The following DNAJC15 variants were observed in gnomAD, a reference collection of about 807,000 sequenced individuals.
DNAJC15 encodes DnaJ heat shock protein family (Hsp40) member C15.
Under a neutral mutation model 22.4 loss-of-function variants are expected in DNAJC15, and 27 were observed. That is an observed-to-expected ratio of 1.20 (90% CI 0.89 to 1.66). The LOEUF (loss-of-function observed/expected upper bound fraction) is 1.66, where lower values mean the gene tolerates loss of function less well. Ranked by LOEUF, DNAJC15 falls within the 40% of genes most tolerant of loss-of-function variation. The probability of loss-of-function intolerance (pLI) is 0.00; values close to 1 mark genes in which losing one functional copy is unlikely to be tolerated. For missense variants in DNAJC15, 208 were observed against 187.1 expected (o/e 1.11, Z -0.65); for synonymous variants, 79 against 63.2 (o/e 1.25, Z -1.19).
intron 3 of DNAJC15, among the ~76,000 whole-genome samples, chr13:43,075,325 A>G (rs1351611692): frequency 1.3e-5 from 2 of 152,242 alleles, no homozygotes; most frequent in African/African-American, 4.8e-5. Context: ...AATTGCTCAG[A>G]TACCAATACC....
chr13:43,046,741 C>A (rs1408461685), intron 1 of DNAJC15, among the ~76,000 whole-genome samples: 1 of 152,100 alleles, frequency 6.6e-6, no homozygotes, highest in Non-Finnish European at 1.5e-5. Flanking sequence ...CTCTTCTGGT[C>A]CGTGTTTGTT....
intron 1 of DNAJC15, among the ~76,000 whole-genome samples, chr13:43,034,522 A>G (rs1019865027): frequency 4.0e-5 from 6 of 151,660 alleles, no homozygotes; most frequent in Admixed American, 6.6e-5. Context: ...TCCCCGTGTT[A>G]GCCAGGATGG....
chr13:43,091,682 TA>T (rs1324579368), intron 5 of DNAJC15, among the ~76,000 whole-genome samples: 1 of 142,846 alleles, frequency 7.0e-6, no homozygotes, highest in Non-Finnish European at 1.6e-5. Context: ...TCTTTGAGTT[TA>T]TTTGCTGTTC....
intron 1 of DNAJC15, among the ~76,000 whole-genome samples, chr13:43,065,049 A>G (rs1237910114): frequency 6.6e-6 from 1 of 152,118 alleles, no homozygotes; most frequent in Non-Finnish European, 1.5e-5. Flanking sequence ...TTGTGACACT[A>G]ATAGTTTCCT....
Position 43,111,795 on chromosome 13 carries a change from T to G in DNAJC15, c.*4547T>G, listed in dbSNP as rs2040825950. On this transcript the variant is annotated 3_prime_UTR_variant, in exon 6 of 6. Coordinates refer to ENST00000379221, the MANE Select transcript of DNAJC15 (RefSeq NM_013238.3). ...AGGATTTGATGGGAATGAGTAAATG[T>G]GTCAGCATAGTCCGTCCCTTCTAAT... 4 of 152,232 alleles carry G rather than the reference T, an allele frequency of 2.6e-5. No individual in the cohort carries two copies. In the South Asian group the frequency reaches 8.3e-4, roughly 32 times the overall value. 9.4% of individuals were successfully genotyped at this position (152,232 alleles called of 1,614,324 possible).
rs976653302 is a variant in DNAJC15 at position 43,109,819 on chromosome 13, C to G, written c.*2571C>G. 2.0e-5 allele frequency: 3 copies of G among 152,008 alleles called. No individual in the cohort carries two copies. Among genetic ancestry groups the G allele is most frequent in the Non-Finnish European group, 4.4e-5 (3 of 68,022 alleles). The allele number at this position is 152,008 out of a possible 1,614,324, so 9.4% of individuals were successfully genotyped here. A position where few individuals can be genotyped will look rare whatever the true frequency, so the allele number is the denominator to read the frequency against. On this transcript the variant is annotated 3_prime_UTR_variant, in exon 6 of 6. Transcript: ENST00000379221. ...GCTCATGTCTACATATGTAACAAAC[C>G]TGCACGTTGTGCACATGTGCCCTAG...
At chr13:43,074,448 C>A (rs1398435391) in intron 3 of DNAJC15, among the ~76,000 whole-genome samples, 4 of 152,074 alleles carry the variant, frequency 2.6e-5, no homozygotes, top group African/African-American at 9.7e-5. Flanking sequence ...CCATTTACTC[C>A]ATCTATTTGA....
intron 5 of DNAJC15, among the ~76,000 whole-genome samples, chr13:43,099,249 C>T (rs1411701904): frequency 6.6e-6 from 1 of 152,048 alleles, no homozygotes; most frequent in Non-Finnish European, 1.5e-5. Flanking sequence ...ATCCCACAAC[C>T]TTGCTGAACT....
At chr13:43,096,890 TCTC>T (rs1410476544) in intron 5 of DNAJC15, among the ~76,000 whole-genome samples, 3 of 152,102 alleles carry the variant, frequency 2.0e-5, no homozygotes, top group African/African-American at 7.2e-5. Context: ...AAGACTAAGC[TCTC>T]CTCCTGACGG....
chr13:43,082,857 T>TATATATATATATATAC (rs144193543), intron 4 of DNAJC15, among the ~76,000 whole-genome samples: 67 of 149,568 alleles, frequency 4.5e-4, no homozygotes, highest in East Asian at 1.0e-3. Flanking sequence ...TATATATATA[T>TATATATATATATATAC]ATACACACAT....
intron 3 of DNAJC15, among the ~76,000 whole-genome samples, chr13:43,071,992 T>G (rs2153441100): frequency 6.6e-6 from 1 of 152,346 alleles, no homozygotes; most frequent in South Asian, 2.1e-4. Flanking sequence ...CCTTGAAATC[T>G]GGTGAAGCCA....
chr13:43,046,776 G>T (rs1028900620), intron 1 of DNAJC15, among the ~76,000 whole-genome samples: 8 of 152,074 alleles, frequency 5.3e-5, no homozygotes, highest in Admixed American at 4.6e-4. Flanking sequence ...GCTTTTGCTC[G>T]CTGTCCACCG....
intron 5 of DNAJC15, among the ~76,000 whole-genome samples, chr13:43,092,813 C>T (rs895407652): frequency 2.0e-5 from 3 of 152,132 alleles, no homozygotes; most frequent in Admixed American, 2.0e-4. Flanking sequence ...ACTTGTGAAG[C>T]TGAGGTGGGA....
intron 1 of DNAJC15, among the ~76,000 whole-genome samples, chr13:43,064,693 C>T (rs1185141784): frequency 6.6e-6 from 1 of 152,176 alleles, no homozygotes; most frequent in Non-Finnish European, 1.5e-5. Context: ...GATGGGAAGG[C>T]AGCTCTGTGA....
In DNAJC15 at chr13:43,023,615, G is replaced by C. The variant is rs370074543; in HGVS notation, c.-12G>C. The stretch of plus-strand genomic sequence containing the variant: ...ACTGCCGCGGCGCCTTGAGTCTCCG[G>C]GCCGCCTTGCCATGGCTGCCCGTGG... On this transcript the variant is annotated 5_prime_UTR_variant, in exon 1 of 6. Coordinates refer to ENST00000379221, the MANE Select transcript of DNAJC15 (RefSeq NM_013238.3). 1.2e-6 allele frequency: 2 copies of C among 1,605,182 alleles called. No individual in the cohort carries two copies. The highest frequency in any genetic ancestry group is 1.7e-6 in the Non-Finnish European group (2 of 1,176,010).
intron 1 of DNAJC15, among the ~76,000 whole-genome samples, chr13:43,024,648 TTTAAG>T (rs1289769127): frequency 5.3e-5 from 8 of 151,940 alleles, no homozygotes. Flanking sequence ...CCGGCATATT[TTTAAG>T]TTTTTTGTAG....
At chr13:43,034,561 C>T (rs1416626066) in intron 1 of DNAJC15, among the ~76,000 whole-genome samples, 11 of 151,986 alleles carry the variant, frequency 7.2e-5, no homozygotes, top group East Asian at 5.8e-4. Flanking sequence ...GTGATCCGCC[C>T]GCCTCGGCCT....
At chr13:43,041,931 A>C (rs1441170291) in intron 1 of DNAJC15, among the ~76,000 whole-genome samples, 1 of 152,264 alleles carries the variant, frequency 6.6e-6, no homozygotes, top group Non-Finnish European at 1.5e-5. Flanking sequence ...GCCTGGGATC[A>C]CAATGGAGGA....
At chr13:43,029,777 G>T (rs1412803271) in intron 1 of DNAJC15, among the ~76,000 whole-genome samples, 1 of 152,010 alleles carries the variant, frequency 6.6e-6, no homozygotes, top group Non-Finnish European at 1.5e-5. Flanking sequence ...TTTGAAATAT[G>T]CCTTTTTAAC....
Sources: allele counts gnomAD v4.1 joint callset (sites outside exome capture counted in the v4.1 genomes callset), GRCh38; gene constraint gnomAD v4.1.1; transcripts MANE v1.5; gene names NCBI Gene and HGNC (gene_info 2026-07-23, HGNC 2026-07-21).